The following GLIS3 variants were observed in gnomAD, a reference collection of about 807,000 sequenced individuals.
The protein encoded by GLIS3 is GLIS family zinc finger 3.
Under a neutral mutation model 78.6 loss-of-function variants are expected in GLIS3, and 53 were observed. The ratio of observed to expected loss-of-function variants is 0.67; its 90% CI spans 0.54 to 0.85. The LOEUF (loss-of-function observed/expected upper bound fraction) is 0.85, where lower values mean the gene tolerates loss of function less well. GLIS3 is among the 40% of genes least tolerant of loss of function. The pLI, the probability that GLIS3 is intolerant of heterozygous loss-of-function variation, is 0.00. For synonymous variants in GLIS3, 684 were observed against 509.9 expected (o/e 1.34, Z -4.60); for missense variants, 1,703 against 1,231.1 (o/e 1.38, Z -5.74).
At chr9:4,276,073 C>A (rs1458937133) in intron 2 of GLIS3, among the ~76,000 whole-genome samples, 1 of 151,644 alleles carries the variant, frequency 6.6e-6, no homozygotes, top group Non-Finnish European at 1.5e-5. Context: ...ACTTTGAGCT[C>A]AGGAGTTCAA....
intron 4 of GLIS3, among the ~76,000 whole-genome samples, chr9:4,064,550 A>C (rs1400155843): frequency 3.3e-5 from 5 of 152,164 alleles, no homozygotes; most frequent in Admixed American, 1.3e-4. Flanking sequence ...TTCACATCCC[A>C]AGGCCGAGGC....
At chr9:4,212,747 C>T (rs749099491) in intron 2 of GLIS3, among the ~76,000 whole-genome samples, 37 of 152,118 alleles carry the variant, frequency 2.4e-4, no homozygotes, top group Non-Finnish European at 4.6e-4. Flanking sequence ...ATGTGAGGAA[C>T]GGATGCTACT....
chr9:4,151,579 A>C (rs745506546), intron 2 of GLIS3, among the ~76,000 whole-genome samples: 9 of 152,182 alleles, frequency 5.9e-5, no homozygotes, highest in Non-Finnish European at 1.3e-4. Context: ...GTGGGGCTCT[A>C]AGGCTATTAT....
intron 2 of GLIS3, among the ~76,000 whole-genome samples, chr9:4,193,967 G>C (rs952957355): frequency 6.6e-6 from 1 of 152,232 alleles, no homozygotes; most frequent in Non-Finnish European, 1.5e-5. Context: ...GGCAGTAACG[G>C]CAACATCTTT....
upstream of GLIS3, among the ~76,000 whole-genome samples, chr9:4,305,055 C>A (rs1817194592): frequency 6.6e-6 from 1 of 152,128 alleles, no homozygotes; most frequent in Admixed American, 6.5e-5. Flanking sequence ...TTCATTCTCA[C>A]AACATCCGAA....
chr9:3,924,737 G>C (rs1825113069), intron 6 of GLIS3, among the ~76,000 whole-genome samples: 1 of 152,222 alleles, frequency 6.6e-6, no homozygotes, highest in Admixed American at 6.5e-5. Context: ...GGTGGGGATG[G>C]AGAGGGAGTG....
chr9:4,343,215 C>T (rs1817859180), intron 2 of GLIS3, among the ~76,000 whole-genome samples: 1 of 151,960 alleles, frequency 6.6e-6, no homozygotes, highest in Non-Finnish European at 1.5e-5. Context: ...GGTGGCACAC[C>T]CCTGTGGTCC....
the GLIS3 span, among the ~76,000 whole-genome samples, chr9:4,386,931 G>A: frequency 2.0e-5 from 3 of 152,248 alleles, no homozygotes; most frequent in Non-Finnish European, 2.9e-5. Flanking sequence ...CTGGCTTGGG[G>A]CATAGTCCCT....
chr9:4,293,209 C>A (rs1816178367), intron 1 of GLIS3, among the ~76,000 whole-genome samples: 1 of 152,196 alleles, frequency 6.6e-6, no homozygotes, highest in Admixed American at 6.5e-5. Context: ...TAAAAAATCA[C>A]AATCCTTCAA....
chr9:4,323,977 G>A (rs1380646143), intron 2 of GLIS3, among the ~76,000 whole-genome samples: 1 of 152,118 alleles, frequency 6.6e-6, no homozygotes, highest in African/African-American at 2.4e-5. Flanking sequence ...CATTTACTCA[G>A]TTTCAAAAAT....
At chr9:4,060,437 T>C (rs1252221146) in intron 4 of GLIS3, among the ~76,000 whole-genome samples, 2 of 152,192 alleles carry the variant, frequency 1.3e-5, no homozygotes, top group East Asian at 3.9e-4. Flanking sequence ...GATTTAATAT[T>C]TGCCCCCGTG....
chr9:4,049,155 C>G (rs544572384), intron 4 of GLIS3, among the ~76,000 whole-genome samples: 1 of 152,176 alleles, frequency 6.6e-6, no homozygotes, highest in South Asian at 2.1e-4. Context: ...ACAACAACAG[C>G]TGCACCTGGA....
chr9:4,421,806 C>G, the GLIS3 span, among the ~76,000 whole-genome samples: 1 of 152,296 alleles, frequency 6.6e-6, no homozygotes, highest in East Asian at 1.9e-4. Flanking sequence ...AAATAGTGAA[C>G]CAAACATAAG....
chr9:4,026,011 G>C (rs1404588149), intron 4 of GLIS3, among the ~76,000 whole-genome samples: 1 of 152,140 alleles, frequency 6.6e-6, no homozygotes, highest in Non-Finnish European at 1.5e-5. Context: ...TGATAGGGAA[G>C]AACAAATTTG....
intron 4 of GLIS3, among the ~76,000 whole-genome samples, chr9:3,961,150 C>A (rs889454108): frequency 3.3e-5 from 5 of 152,182 alleles, no homozygotes; most frequent in African/African-American, 1.2e-4. Context: ...ACAAGGATCA[C>A]CCTAAATAGG....
chr9:4,218,970 T>G (rs185323737), intron 2 of GLIS3, among the ~76,000 whole-genome samples: 1 of 152,382 alleles, frequency 6.6e-6, no homozygotes, highest in Admixed American at 6.5e-5. Context: ...AATGTGAGCC[T>G]CATGAAAGAT....
intron 5 of GLIS3, chr9:3,932,922 A>G: frequency 3.2e-6 from 1 of 314,602 alleles, no homozygotes; most frequent in South Asian, 2.9e-5. Flanking sequence ...AAGAAACCTG[A>G]TTCAGAAAGA....
At chr9:4,163,616 A>G (rs1309576404) in intron 2 of GLIS3, among the ~76,000 whole-genome samples, 1 of 152,226 alleles carries the variant, frequency 6.6e-6, no homozygotes, top group African/African-American at 2.4e-5. Flanking sequence ...TTAGACTGCA[A>G]AGATTCACAT....
chr9:4,043,608 G>C (rs544499987), intron 4 of GLIS3, among the ~76,000 whole-genome samples: 1 of 152,212 alleles, frequency 6.6e-6, no homozygotes, highest in Admixed American at 6.5e-5. Flanking sequence ...TGGGGAGGTG[G>C]TTTTGAGCAC....
Sources: gnomAD v4.1 joint callset for allele counts (sites outside exome capture counted in the v4.1 genomes callset) on GRCh38, gnomAD v4.1.1 for gene constraint, MANE v1.5 for transcripts, NCBI Gene and HGNC (gene_info 2026-07-23, HGNC 2026-07-21) for gene names.